L3MBTL4: variants seen among roughly 807,000 people sequenced by gnomAD.
L3MBTL4 encodes L3MBTL histone methyl-lysine binding protein 4, also known as lethal(3)malignant brain tumor-like protein 4.
A neutral mutation model predicts 84.5 loss-of-function variants in L3MBTL4; 70 were observed. That is an observed-to-expected ratio of 0.83 (90% CI 0.68 to 1.01). The LOEUF is 1.01. Among genes scored for constraint, L3MBTL4 ranks in the 50% least tolerant of loss-of-function variants. L3MBTL4 has a pLI of 0.00. For missense variants in L3MBTL4, 715 were observed against 754.8 expected (o/e 0.95, Z 0.62); for synonymous variants, 274 against 259.8 (o/e 1.05, Z -0.52).
Position 6,138,242 on chromosome 18 carries a change from C to G in L3MBTL4, c.1151G>C (p.Cys384Ser). ...ACCACGGATATGGCCTATTCCTCGG[C>G]ACCCGGGAGTAGGACAGACAGCTTG... ...PGQAVCPTPG[C>S]RGIGHIRGPR... Residue 384 changes from cysteine to serine, a missense_variant, in exon 14 of 19, where the codon TGC becomes TCC. Cys to Ser is a moderately radical substitution (Grantham distance 112, BLOSUM62 -1). Coordinates refer to ENST00000317931, the MANE Select transcript of L3MBTL4 (RefSeq NM_001330559.2). 6.2e-7 allele frequency: 1 copy of G among 1,613,522 alleles called. No homozygotes were observed.
intron 13 of L3MBTL4, among the ~76,000 whole-genome samples, chr18:6,162,343 T>C (rs1198720858): frequency 6.6e-6 from 1 of 152,138 alleles, no homozygotes; most frequent in Non-Finnish European, 1.5e-5. Flanking sequence ...CATAGATAAG[T>C]ACCTAACACA....
intron 16 of L3MBTL4, among the ~76,000 whole-genome samples, chr18:6,057,779 A>G (rs2057077165): frequency 6.6e-6 from 1 of 152,246 alleles, no homozygotes; most frequent in African/African-American, 2.4e-5. Flanking sequence ...CAAAAATGAT[A>G]CACGGTGTAC....
At chr18:6,341,175 T>C (rs1286316255) in intron 1 of L3MBTL4, among the ~76,000 whole-genome samples, 2 of 152,002 alleles carry the variant, frequency 1.3e-5, no homozygotes, top group Non-Finnish European at 2.9e-5. Flanking sequence ...GGTGACTACT[T>C]ATTCAAATGC....
intron 16 of L3MBTL4, among the ~76,000 whole-genome samples, chr18:5,981,751 G>A (rs985268900): frequency 3.3e-5 from 5 of 151,712 alleles, no homozygotes; most frequent in East Asian, 1.9e-4. Context: ...AGTGAGCTGC[G>A]ATTGTGCCAC....
At chr18:6,180,538 T>C (rs1011857486) in intron 12 of L3MBTL4, among the ~76,000 whole-genome samples, 2 of 152,216 alleles carry the variant, frequency 1.3e-5, no homozygotes, top group African/African-American at 4.8e-5. Flanking sequence ...GTTGCTTCCA[T>C]CTTCCATTTA....
At chr18:6,318,212 C>G (rs12232731) in intron 1 of L3MBTL4, among the ~76,000 whole-genome samples, 4 of 151,864 alleles carry the variant, frequency 2.6e-5, no homozygotes, top group African/African-American at 9.7e-5. Context: ...AACAAACCAT[C>G]TAGGTAACAA....
At chr18:6,409,270 C>T (rs909976594) in intron 1 of L3MBTL4, among the ~76,000 whole-genome samples, 1 of 152,126 alleles carries the variant, frequency 6.6e-6, no homozygotes, top group African/African-American at 2.4e-5. Context: ...TAATCTGGTC[C>T]TTGATTTTTA....
intron 15 of L3MBTL4, among the ~76,000 whole-genome samples, chr18:6,088,037 C>T (rs2058316567): frequency 6.6e-6 from 1 of 152,148 alleles, no homozygotes. Flanking sequence ...AAAGCAAAAG[C>T]ATAAATTGTT....
chr18:6,394,083 C>G (rs59643696), intron 1 of L3MBTL4, among the ~76,000 whole-genome samples: 1,558 of 152,294 alleles, frequency 0.01, 24 homozygotes, highest in African/African-American at 0.035. Flanking sequence ...TCTCACTACC[C>G]TTTCAACACA....
chr18:5,979,469 C>A (rs981697906), intron 16 of L3MBTL4, among the ~76,000 whole-genome samples: 2 of 152,206 alleles, frequency 1.3e-5, no homozygotes, highest in Non-Finnish European at 2.9e-5. Context: ...TCTTAATCAT[C>A]TGCTTTATTC....
At chr18:6,333,255 T>C (rs546744353) in intron 1 of L3MBTL4, among the ~76,000 whole-genome samples, 1 of 152,062 alleles carries the variant, frequency 6.6e-6, no homozygotes, top group East Asian at 1.9e-4. Context: ...CAAAAAGAGG[T>C]AAGGCTTTGG....
chr18:6,090,689 G>T (rs1439301871), intron 15 of L3MBTL4, among the ~76,000 whole-genome samples: 1 of 149,800 alleles, frequency 6.7e-6, no homozygotes, highest in Non-Finnish European at 1.5e-5. Flanking sequence ...ATGCAATGGT[G>T]TGATAGCTCA....
At chr18:6,069,772 C>G (rs2057521037) in intron 16 of L3MBTL4, among the ~76,000 whole-genome samples, 1 of 152,134 alleles carries the variant, frequency 6.6e-6, no homozygotes, top group Admixed American at 6.5e-5. Context: ...GCTCCAATAA[C>G]AAAGGCAAAA....
At chr18:6,137,574 CTTAA>C (rs1191396707) in intron 14 of L3MBTL4, among the ~76,000 whole-genome samples, 4 of 151,978 alleles carry the variant, frequency 2.6e-5, no homozygotes, top group South Asian at 2.1e-4. Flanking sequence ...TTCTTTCAGT[CTTAA>C]TTTATATATG....
At chr18:6,165,452 A>G (rs150628775) in intron 13 of L3MBTL4, among the ~76,000 whole-genome samples, 1 of 152,230 alleles carries the variant, frequency 6.6e-6, no homozygotes, top group Non-Finnish European at 1.5e-5. Flanking sequence ...TTACCCACAA[A>G]GGGAAGCCCG....
chr18:6,041,436 T>C (rs189311364), intron 16 of L3MBTL4, among the ~76,000 whole-genome samples: 6 of 151,890 alleles, frequency 4.0e-5, no homozygotes, highest in Non-Finnish European at 7.4e-5. Context: ...TTCATTGTCC[T>C]TTTCTTCAGC....
intron 1 of L3MBTL4, among the ~76,000 whole-genome samples, chr18:6,344,040 A>G (rs769376620): frequency 6.6e-6 from 1 of 151,638 alleles, no homozygotes; most frequent in African/African-American, 2.4e-5. Context: ...GAAGGAAGGA[A>G]TAAAGATTAG....
intron 16 of L3MBTL4, among the ~76,000 whole-genome samples, chr18:6,022,096 A>G (rs1268888534): frequency 6.6e-6 from 1 of 152,238 alleles, no homozygotes; most frequent in Non-Finnish European, 1.5e-5. Flanking sequence ...GAAATCTAAA[A>G]TTCAGCCTTT....
intron 16 of L3MBTL4, among the ~76,000 whole-genome samples, chr18:5,974,857 G>T: frequency 6.6e-6 from 1 of 152,054 alleles, no homozygotes; most frequent in East Asian, 1.9e-4. Flanking sequence ...TTGGCTACTT[G>T]GGAGGCTGAG....
Sources: gnomAD v4.1 joint callset for allele counts (sites outside exome capture counted in the v4.1 genomes callset) on GRCh38, gnomAD v4.1.1 for gene constraint, MANE v1.5 for transcripts, NCBI Gene and HGNC (gene_info 2026-07-23, HGNC 2026-07-21) for gene names.